NACC2: variants seen among roughly 807,000 people sequenced by gnomAD.
NACC2 encodes the protein nucleus accumbens-associated protein 2.
A neutral mutation model predicts 25.1 loss-of-function variants in NACC2; 8 were observed. The ratio of observed to expected loss-of-function variants is 0.32; its 90% CI spans 0.19 to 0.57. The LOEUF (loss-of-function observed/expected upper bound fraction) is 0.57. Ranked by LOEUF, NACC2 falls within the 20% of genes least tolerant of loss-of-function variation. NACC2 has a pLI of 0.89. For synonymous variants in NACC2, 435 were observed against 294.7 expected (o/e 1.48, Z -4.88); for missense variants, 644 against 650.2 (o/e 0.99, Z 0.10).
intron 1 of NACC2, among the ~76,000 whole-genome samples, chr9:136,070,276 G>A (rs1305466745): frequency 6.6e-6 from 1 of 151,872 alleles, no homozygotes; most frequent in Non-Finnish European, 1.5e-5. Context: ...GGGAGGCCGG[G>A]GCGGGTGGAT....
intron 1 of NACC2, among the ~76,000 whole-genome samples, chr9:136,060,753 C>T (rs1054624745): frequency 6.6e-6 from 1 of 152,232 alleles, no homozygotes; most frequent in African/African-American, 2.4e-5. Flanking sequence ...ATCAGGGGGA[C>T]CCTCAGAGCC....
Position 136,049,930 on chromosome 9 carries a change from G to A in NACC2, c.592C>T (p.Arg198Trp). The change falls in exon 2 of 6, where the codon CGG becomes TGG. Residue 198 changes from arginine to tryptophan, a missense_variant. Arg to Trp is a moderately radical substitution (Grantham distance 101). Coordinates refer to ENST00000277554, the MANE Select transcript of NACC2 (RefSeq NM_144653.5). Reference protein sequence around the residue: ...APKRPLETGPRDGVAVAAGAA... With the variant: ...APKRPLETGPWDGVAVAAGAA... ...CCCGCGGCCACCGCCACGCCGTCCC[G>A]GGGCCCCGTCTCCAGCGGGCGCTTG... 1.7e-6 allele frequency: 1 copy of A among 576,858 alleles called. No individual in the cohort carries two copies. The highest frequency in any genetic ancestry group is 3.1e-6 in the Non-Finnish European group (1 of 325,506). The allele number at this position is 576,858 out of a possible 1,614,324, so 35.7% of individuals were successfully genotyped here. A position where few individuals can be genotyped will look rare whatever the true frequency, so the allele number is the denominator to read the frequency against.
At chr9:136,078,542 G>T (rs930605968) in intron 1 of NACC2, among the ~76,000 whole-genome samples, 1 of 152,174 alleles carries the variant, frequency 6.6e-6, no homozygotes, top group Non-Finnish European at 1.5e-5. Flanking sequence ...GACGTGGCCC[G>T]CTCACTGGCC....
rs1395424072 is a variant in NACC2 at position 136,084,655 on chromosome 9, C to T, written c.-60+10534G>A. On this transcript the variant is annotated intron_variant, in intron 1 of 5. Transcript: ENST00000277554. This position sits in a 1 kb window ranked among gnomAD's most constrained non-coding sequence, Gnocchi z 5.1. ...GCGCACGCCACGTCCATAGCGGCAG[C>T]ACCAGACAGCCAAGAGGCAAGTGGC... 1.3e-5 allele frequency among the ~76,000 whole-genome samples: 2 copies of T among 152,244 alleles called. No individual in the cohort carries two copies. Among genetic ancestry groups the T allele is most frequent in the Admixed American group, 6.5e-5 (1 of 15,290 alleles).
intron 1 of NACC2, among the ~76,000 whole-genome samples, chr9:136,083,131 A>T (rs1830341279): frequency 6.6e-6 from 1 of 152,184 alleles, no homozygotes; most frequent in Admixed American, 6.5e-5. Context: ...CGATGCCAGA[A>T]ACGGGGCCAC....
At chr9:136,035,851 G>A (rs1006956754) in intron 2 of NACC2, among the ~76,000 whole-genome samples, 2 of 152,160 alleles carry the variant, frequency 1.3e-5, no homozygotes, top group Non-Finnish European at 2.9e-5. Flanking sequence ...TTGTGAAGGG[G>A]ATACAGAAGT....
intron 1 of NACC2, among the ~76,000 whole-genome samples, chr9:136,060,311 G>T (rs555715758): frequency 2.6e-5 from 4 of 152,244 alleles, no homozygotes; most frequent in Non-Finnish European, 5.9e-5. Context: ...GCCTGCACTT[G>T]GCTTTGGGAT....
At chr9:136,071,525 AGAGT>A (rs1214454501) in intron 1 of NACC2, among the ~76,000 whole-genome samples, 15 of 132,158 alleles carry the variant, frequency 1.1e-4, no homozygotes, top group African/African-American at 4.3e-4. Flanking sequence ...CCTGGATGAT[AGAGT>A]GAGACTCCAT....
intron 1 of NACC2, among the ~76,000 whole-genome samples, chr9:136,063,116 G>T (rs1841035367): frequency 6.6e-6 from 1 of 152,160 alleles, no homozygotes. Context: ...TCTGTGTCTG[G>T]TTGTGGGCCA....
intron 2 of NACC2, among the ~76,000 whole-genome samples, chr9:136,041,025 G>A (rs1840619840): frequency 1.2e-5 from 1 of 85,658 alleles, no homozygotes; most frequent in Admixed American, 1.0e-4. Context: ...GAAAGGAAAG[G>A]AAAGAAGGAA....
intron 1 of NACC2, among the ~76,000 whole-genome samples, chr9:136,080,726 C>T (rs1436422510): frequency 6.6e-6 from 1 of 152,318 alleles, no homozygotes; most frequent in East Asian, 1.9e-4. Flanking sequence ...TGGGGGTCTC[C>T]TCCTCTCCAG....
At chr9:136,061,725 C>G (rs1051400217) in intron 1 of NACC2, among the ~76,000 whole-genome samples, 3 of 152,052 alleles carry the variant, frequency 2.0e-5, no homozygotes, top group African/African-American at 7.2e-5. Flanking sequence ...CAGGAACCAG[C>G]GAGAAGCCAG....
At position 136,020,935 on chromosome 9, in the gene NACC2, CACCCT is replaced by C. The variant is rs1238485033; in HGVS notation, c.887-4511_887-4507del. On this transcript the variant is annotated intron_variant, in intron 2 of 5. Coordinates refer to ENST00000277554, the MANE Select transcript of NACC2 (RefSeq NM_144653.5). This position sits in a 1 kb window ranked among gnomAD's most constrained non-coding sequence, Gnocchi z 4.7. ...AAAACCACCCTCCGTCTCAGCCTCG[CACCCT>C]ACACAAAAACTGCAGAAGGTCTTTA... Among the ~76,000 whole-genome samples the C allele has an allele frequency of 6.6e-6, 1 of 152,176 alleles. No individual in the cohort carries two copies. Among genetic ancestry groups the C allele is most frequent in the Non-Finnish European group, 1.5e-5 (1 of 68,040 alleles).
intron 1 of NACC2, among the ~76,000 whole-genome samples, chr9:136,082,375 G>A (rs868808872): frequency 3.9e-5 from 6 of 152,336 alleles, no homozygotes; most frequent in Middle Eastern, 3.4e-3. Flanking sequence ...ATGGGCCTCC[G>A]GGATGCTCAG....
At position 136,065,826 on chromosome 9, in the gene NACC2, A is replaced by G. The variant is rs535632276; in HGVS notation, c.-59-15246T>C. 1.1e-3 allele frequency among the ~76,000 whole-genome samples: 162 copies of G among 152,148 alleles called. 1 individual carries two copies. Among genetic ancestry groups the G allele is most frequent in the African/African-American group, 3.8e-3 (158 of 41,538 alleles). On this transcript the variant is annotated intron_variant, in intron 1 of 5. Coordinates refer to ENST00000277554, the MANE Select transcript of NACC2 (RefSeq NM_144653.5). ...ACCCTGTCTCCAAAAAAAAAAAAGA[A>G]AAGGAAAGAAAACCCAGATACATTA...
chr9:136,054,552 C>A (rs995650457), intron 1 of NACC2, among the ~76,000 whole-genome samples: 2 of 152,176 alleles, frequency 1.3e-5, no homozygotes, highest in South Asian at 4.1e-4. Context: ...GCTGACCCTC[C>A]TGCTACACCC....
At chr9:136,067,181 G>C (rs929845188) in intron 1 of NACC2, among the ~76,000 whole-genome samples, 4 of 151,848 alleles carry the variant, frequency 2.6e-5, no homozygotes, top group African/African-American at 9.7e-5. Flanking sequence ...TTGAACCCGG[G>C]AGGCGGACGT....
intron 1 of NACC2, among the ~76,000 whole-genome samples, chr9:136,069,571 A>G (rs1265182541): frequency 1.3e-5 from 2 of 151,614 alleles, no homozygotes; most frequent in Admixed American, 6.6e-5. Flanking sequence ...AACAAAACAA[A>G]ACAAAACAAA....
intron 1 of NACC2, among the ~76,000 whole-genome samples, chr9:136,073,675 C>T (rs1038286043): frequency 5.3e-5 from 8 of 152,206 alleles, no homozygotes; most frequent in East Asian, 1.9e-4. Flanking sequence ...TGATTTCCCT[C>T]GGTTCATAAT....
Sources: allele counts gnomAD v4.1 joint callset (sites outside exome capture counted in the v4.1 genomes callset), GRCh38; gene constraint gnomAD v4.1.1; non-coding constraint Gnocchi (gnomAD v3.1); transcripts MANE v1.5; gene names NCBI Gene and HGNC (gene_info 2026-07-23, HGNC 2026-07-21).